Variants in NEDD4 observed in about 807,000 individuals in gnomAD.
NEDD4 encodes the protein NEDD4 E3 ubiquitin protein ligase, also known as E3 ubiquitin-protein ligase NEDD4.
Under a neutral mutation model 144.9 loss-of-function variants are expected in NEDD4, and 99 were observed. That is an observed-to-expected ratio of 0.68 (90% CI 0.58 to 0.81). The LOEUF (loss-of-function observed/expected upper bound fraction) is 0.81, where lower values mean the gene tolerates loss of function less well. Among genes scored for constraint, NEDD4 ranks in the 30% least tolerant of loss-of-function variants. The pLI, the probability that NEDD4 is intolerant of heterozygous loss-of-function variation, is 0.00. For missense variants in NEDD4, 985 were observed against 1,065.9 expected (o/e 0.92, Z 1.06); for synonymous variants, 318 against 350.6 (o/e 0.91, Z 1.04).
At chr15:55,965,810 C>G (rs1452788830) in intron 2 of NEDD4, among the ~76,000 whole-genome samples, 1 of 152,014 alleles carries the variant, frequency 6.6e-6, no homozygotes, top group Non-Finnish European at 1.5e-5. Context: ...CAAGCGATTT[C>G]TGGATAATTT....
chr15:55,913,979 T>C (rs2036353167), intron 5 of NEDD4, among the ~76,000 whole-genome samples: 1 of 151,972 alleles, frequency 6.6e-6, no homozygotes, highest in Non-Finnish European at 1.5e-5. Context: ...GATTAGATTA[T>C]AATCTCCTAA....
intron 4 of NEDD4, among the ~76,000 whole-genome samples, chr15:55,934,155 A>T (rs1399549532): frequency 2.6e-5 from 4 of 152,144 alleles, no homozygotes; most frequent in African/African-American, 7.2e-5. Flanking sequence ...CTCTGTCTCA[A>T]AATAATAATA....
At chr15:55,867,735 A>G (rs2034632388) in intron 8 of NEDD4, among the ~76,000 whole-genome samples, 2 of 152,224 alleles carry the variant, frequency 1.3e-5, no homozygotes, top group Non-Finnish European at 2.9e-5. Context: ...ACCAGGGGCT[A>G]TCTATACTCT....
rs577045117 is a variant in NEDD4, at chr15:55,900,845, C to T, written c.291+23801G>A. ...GCACACTAGGATATATTTCCCATTG[C>T]AAATGTATTAATAATATTTTGTTTA... On this transcript the variant is annotated intron_variant, in intron 5 of 28. Coordinates refer to ENST00000435532, the MANE Select transcript of NEDD4 (RefSeq NM_006154.4). 2.6e-5 allele frequency among the ~76,000 whole-genome samples: 4 copies of T among 152,194 alleles called. No homozygotes were observed. The South Asian group carries it at 8.3e-4, about 32-fold the overall frequency.
chr15:55,846,924 C>A, intron 18 of NEDD4, 45 bp downstream of exon 18: 1 of 1,172,860 alleles, frequency 8.5e-7, no homozygotes, highest in Non-Finnish European at 1.3e-6. Context: ...TACTTTCCAT[C>A]TATATATTGA....
intron 5 of NEDD4, among the ~76,000 whole-genome samples, chr15:55,885,159 T>A (rs1043505297): frequency 4.6e-5 from 7 of 152,152 alleles, no homozygotes; most frequent in Non-Finnish European, 8.8e-5. Context: ...TTAGAAGTGC[T>A]GAAGTAAAAA....
rs191038111 is a variant in NEDD4, at chr15:55,949,742, A to C, written c.237+1634T>G. 1.2e-4 allele frequency among the ~76,000 whole-genome samples: 19 copies of C among 152,266 alleles called. No homozygotes were observed. The East Asian group carries it at 3.7e-3, about 29-fold the overall frequency. ...CTCATGTTCTCACTCATAGGTGGGA[A>C]TTGAACAATGAGAACACTTGGACAC... On this transcript the variant is annotated intron_variant, in intron 4 of 28. Transcript: ENST00000435532.
chr15:55,957,408 G>T (rs904246481), intron 2 of NEDD4, among the ~76,000 whole-genome samples: 5 of 152,166 alleles, frequency 3.3e-5, no homozygotes, highest in Admixed American at 3.3e-4. Flanking sequence ...CATTAAGTAG[G>T]TGGTTAGCTA....
At chr15:55,844,437 C>T (rs940940761) in intron 18 of NEDD4, among the ~76,000 whole-genome samples, 2 of 152,088 alleles carry the variant, frequency 1.3e-5, no homozygotes, top group South Asian at 4.2e-4. Flanking sequence ...GACAGAGGGA[C>T]CTGTGAAGGA....
At chr15:55,890,338 A>G (rs571642286) in intron 5 of NEDD4, among the ~76,000 whole-genome samples, 133 of 152,198 alleles carry the variant, frequency 8.7e-4, no homozygotes, top group African/African-American at 3.1e-3. Flanking sequence ...ACCCTTACCA[A>G]TCAGCATTCA....
rs117206500 is a variant in NEDD4, at chr15:55,973,512, C to A, written c.46-6966G>T. ...CATGACTGTGCCACTGCAGTCCAGC[C>A]TGGTCAACAGAGTAGCCCTGTCTTG... On this transcript the variant is annotated intron_variant, in intron 1 of 28. Coordinates refer to ENST00000435532, the MANE Select transcript of NEDD4 (RefSeq NM_006154.4). Among the ~76,000 whole-genome samples the A allele has an allele frequency of 6.6e-3, 1,003 of 152,298 alleles. 6 individuals carry two copies. The highest frequency in any genetic ancestry group is 0.018 in the South Asian group (88 of 4,822).
chr15:55,848,640 G>A, intron 15 of NEDD4, 65 bp from the exon 16 acceptor site: 1 of 1,421,538 alleles, frequency 7.0e-7, no homozygotes, highest in African/African-American at 1.4e-5. Context: ...TAGAAAAATA[G>A]CACTGGTTGT....
chr15:55,954,563 T>C (rs1329394646), intron 2 of NEDD4, among the ~76,000 whole-genome samples: 2 of 152,212 alleles, frequency 1.3e-5, no homozygotes, highest in Non-Finnish European at 1.5e-5. Flanking sequence ...TCACTCTTAT[T>C]GCCTAGGCTG....
At chr15:55,988,487 T>TAAAAAAAAAAAAAAAAAA (rs56688563) in intron 1 of NEDD4, among the ~76,000 whole-genome samples, 132 of 101,548 alleles carry the variant, frequency 1.3e-3, no homozygotes, top group Non-Finnish European at 1.4e-3. Context: ...AAAAAAAAAT[T>TAAAAAAAAAAAAAAAAAA]AAAAAAAAAA....
At chr15:55,885,216 A>C (rs1202622339) in intron 5 of NEDD4, among the ~76,000 whole-genome samples, 1 of 152,238 alleles carries the variant, frequency 6.6e-6, no homozygotes, top group Non-Finnish European at 1.5e-5. Context: ...TCCTTCAAAC[A>C]TGAAGGAGAA....
In NEDD4 at chr15:55,915,762, G is replaced by A. The variant is rs780759541; in HGVS notation, c.291+8884C>T. The A allele has an allele frequency of 5.8e-5, 94 of 1,613,426 alleles. No individual in the cohort carries two copies. The highest frequency in any genetic ancestry group is 1.6e-4 in the Middle Eastern group (1 of 6,082). ...GACAGTCTGTCTGGGAGTATTATTC[G>A]AAAGAACAATTTTCTTCTGTAACGA... On this transcript the variant is annotated intron_variant, in intron 5 of 28. Coordinates refer to ENST00000435532, the MANE Select transcript of NEDD4 (RefSeq NM_006154.4).
chr15:55,923,157 C>CT lies in NEDD4; in HGVS notation c.291+1488dup, dbSNP rs1414647424. 5.3e-5 allele frequency among the ~76,000 whole-genome samples: 8 copies of CT among 152,058 alleles called. No individual in the cohort carries two copies. In the East Asian group the frequency reaches 1.5e-3, roughly 29 times the overall value. ...TGAGACTGCGCCACTGCACTCCAGC[C>CT]TAGGCAACAGAGTGAGATTCTGTCA... On this transcript the variant is annotated intron_variant, in intron 5 of 28. Transcript: ENST00000435532.
At chr15:55,968,618 C>T (rs2037556540) in intron 1 of NEDD4, among the ~76,000 whole-genome samples, 1 of 152,036 alleles carries the variant, frequency 6.6e-6, no homozygotes, top group South Asian at 2.1e-4. Flanking sequence ...TATAGAATGG[C>T]TAAGAAATAC....
intron 2 of NEDD4, among the ~76,000 whole-genome samples, chr15:55,964,506 T>G (rs2037476523): frequency 6.6e-6 from 1 of 152,168 alleles, no homozygotes; most frequent in African/African-American, 2.4e-5. Flanking sequence ...TCATTTCATA[T>G]TTTTAAAATT....
Sources: gnomAD v4.1 joint callset for allele counts (sites outside exome capture counted in the v4.1 genomes callset) on GRCh38, gnomAD v4.1.1 for gene constraint, MANE v1.5 for transcripts, NCBI Gene and HGNC (gene_info 2026-07-23, HGNC 2026-07-21) for gene names.